The following VWA3B variants were observed in gnomAD, a reference collection of about 807,000 sequenced individuals.
VWA3B encodes the protein von Willebrand factor A domain-containing protein 3B.
Under a neutral mutation model 158.3 loss-of-function variants are expected in VWA3B, and 138 were observed. The observed-to-expected ratio is 0.87, with a 90% CI of 0.76 to 1.00. VWA3B has a LOEUF of 1.00. VWA3B is among the 50% of genes least tolerant of loss of function. The pLI is 0.00. For synonymous variants in VWA3B, 596 were observed against 587.3 expected (o/e 1.01, Z -0.21); for missense variants, 1,555 against 1,565.1 (o/e 0.99, Z 0.11).
intron 3 of VWA3B, among the ~76,000 whole-genome samples, chr2:98,117,578 C>T (rs796725019): frequency 3.7e-4 from 57 of 152,128 alleles, no homozygotes; most frequent in African/African-American, 1.3e-3. Context: ...GGTGAAAATA[C>T]CCTGGTGGGG....
chr2:98,101,547 T>G (rs1683073094), intron 2 of VWA3B, among the ~76,000 whole-genome samples: 1 of 152,240 alleles, frequency 6.6e-6, no homozygotes, highest in Non-Finnish European at 1.5e-5. Context: ...ATTAATACCA[T>G]TTTTTAACCA....
intron 24 of VWA3B, 133 bp from the exon 25 acceptor site, chr2:98,299,946 G>A (rs1252802713): frequency 8.1e-7 from 1 of 1,241,750 alleles, no homozygotes; most frequent in Non-Finnish European, 1.1e-6. Context: ...TTTCTTAACT[G>A]AGAAAAAAAA....
chr2:98,175,710 C>A (rs1201458440), intron 8 of VWA3B, among the ~76,000 whole-genome samples: 1 of 152,132 alleles, frequency 6.6e-6, no homozygotes, highest in African/African-American at 2.4e-5. Flanking sequence ...TTTACCCATC[C>A]AAGAAGCAAA....
chr2:98,176,954 G>T (rs765710198), intron 8 of VWA3B, among the ~76,000 whole-genome samples: 2 of 152,178 alleles, frequency 1.3e-5, no homozygotes, highest in African/African-American at 2.4e-5. Flanking sequence ...CCCCTGAAAG[G>T]CATGTGGGGC....
chr2:98,125,221 T>TA lies in VWA3B; in HGVS notation c.703-3017dup, dbSNP rs1017122622. The stretch of plus-strand genomic sequence containing the variant: ...CCCAACTTTTGGTCAGTGATGTTGG[T>TA]ATCTGGGGTAGGAGCCTGAACCCTT... On this transcript the variant is annotated intron_variant, in intron 5 of 27. Coordinates refer to ENST00000477737, the MANE Select transcript of VWA3B (RefSeq NM_144992.5). This position sits in a 1 kb window ranked among gnomAD's most constrained non-coding sequence, Gnocchi z 4.1. 1.3e-5 allele frequency among the ~76,000 whole-genome samples: 2 copies of TA among 152,198 alleles called. No individual in the cohort carries two copies. Among genetic ancestry groups the TA allele is most frequent in the Non-Finnish European group, 2.9e-5 (2 of 68,030 alleles).
At chr2:98,213,800 GC>G (rs1683745080) in intron 13 of VWA3B, among the ~76,000 whole-genome samples, 1 of 152,084 alleles carries the variant, frequency 6.6e-6, no homozygotes, top group African/African-American at 2.4e-5. Flanking sequence ...AGACATCTAG[GC>G]AAGTCAAGGT....
At chr2:98,269,363 C>G (rs1204702510) in intron 21 of VWA3B, 1 of 152,040 alleles carries the variant, frequency 6.6e-6, no homozygotes, top group Non-Finnish European at 1.5e-5. Context: ...ATCTTGTTCC[C>G]CCTGGTGTCT....
Position 98,236,737 on chromosome 2 carries a change from TG to T in VWA3B, c.2673+8del. 6 of 1,610,588 alleles carry T rather than the reference TG, an allele frequency of 3.7e-6. No homozygotes were observed. The highest frequency in any genetic ancestry group is 5.1e-6 in the Non-Finnish European group (6 of 1,178,920). ...GTCTAAGGTCTTTGATGAGGTAAAC[TG>T]ATTGTCTATACGTCCCTACTTGAGG... On this transcript the variant is annotated splice_region_variant and intron_variant, in intron 19 of 27. Coordinates refer to ENST00000477737, the MANE Select transcript of VWA3B (RefSeq NM_144992.5).
chr2:98,198,993 A>G (rs1682299263), intron 12 of VWA3B, among the ~76,000 whole-genome samples: 1 of 151,932 alleles, frequency 6.6e-6, no homozygotes, highest in Non-Finnish European at 1.5e-5. Context: ...AGGCTGAGGC[A>G]GGAGAATGGC....
At chr2:98,229,924 G>A in intron 15 of VWA3B, 126 bp from the exon 16 acceptor site, 1 of 1,059,474 alleles carries the variant, frequency 9.4e-7, no homozygotes. Context: ...AACCCAGATG[G>A]GGGAAGGCTT....
At chr2:98,093,324 T>C (rs1287976374) in intron 2 of VWA3B, 36 bp downstream of exon 2, 1 of 1,603,368 alleles carries the variant, frequency 6.2e-7, no homozygotes, top group Admixed American at 1.7e-5. Flanking sequence ...TGCTGCCATT[T>C]AGCCTTTGAG....
At chr2:98,138,517 G>C (rs1455985265) in intron 7 of VWA3B, among the ~76,000 whole-genome samples, 2 of 152,270 alleles carry the variant, frequency 1.3e-5, no homozygotes, top group African/African-American at 2.4e-5. Context: ...TCCCTGCTGC[G>C]TATGCCCCCT....
At chr2:98,161,820 T>C (rs1460150873) in intron 7 of VWA3B, among the ~76,000 whole-genome samples, 4 of 152,086 alleles carry the variant, frequency 2.6e-5, no homozygotes, top group Non-Finnish European at 4.4e-5. Context: ...GATTCTCCTG[T>C]CTCAGCCTCC....
At chr2:98,232,546 T>C (rs1465828310) in intron 16 of VWA3B, among the ~76,000 whole-genome samples, 1 of 152,204 alleles carries the variant, frequency 6.6e-6, no homozygotes. Flanking sequence ...CTTTTTCTGA[T>C]TGAAGGTGTG....
At chr2:98,178,010 C>G (rs1490853541) in intron 8 of VWA3B, among the ~76,000 whole-genome samples, 1 of 152,052 alleles carries the variant, frequency 6.6e-6, no homozygotes, top group East Asian at 1.9e-4. Flanking sequence ...GAAAGGTCTT[C>G]CTAAGCAGAA....
intron 16 of VWA3B, among the ~76,000 whole-genome samples, chr2:98,231,560 A>G (rs1162437369): frequency 6.6e-5 from 10 of 152,360 alleles, no homozygotes; most frequent in African/African-American, 1.7e-4. Context: ...AAAAAAGGAA[A>G]AGAAACTTGA....
At chr2:98,149,798 A>G (rs899410715) in intron 7 of VWA3B, among the ~76,000 whole-genome samples, 2 of 152,208 alleles carry the variant, frequency 1.3e-5, no homozygotes, top group South Asian at 2.1e-4. Context: ...CTCATTATCA[A>G]TTATCAACTG....
At chr2:98,235,705 C>T (rs772931486) in intron 17 of VWA3B, among the ~76,000 whole-genome samples, 2 of 152,042 alleles carry the variant, frequency 1.3e-5, no homozygotes, top group African/African-American at 2.4e-5. Context: ...GGATTTTGGC[C>T]GGGCACAGTG....
chr2:98,220,731 C>G (rs561207128), intron 14 of VWA3B, among the ~76,000 whole-genome samples: 1 of 152,250 alleles, frequency 6.6e-6, no homozygotes, highest in East Asian at 1.9e-4. Flanking sequence ...AAATGCCCAT[C>G]AATGATAGAC....
Sources: gnomAD v4.1 joint callset for allele counts (sites outside exome capture counted in the v4.1 genomes callset) on GRCh38, gnomAD v4.1.1 for gene constraint, Gnocchi (gnomAD v3.1) non-coding constraint, MANE v1.5 for transcripts, NCBI Gene and HGNC (gene_info 2026-07-23, HGNC 2026-07-21) for gene names.